Variants in S100A10 observed in about 807,000 individuals in gnomAD.
The protein encoded by S100A10 is protein S100-A10.
S100A10 carries 3 observed loss-of-function variants against 7.1 expected under a neutral mutation model. The observed-to-expected ratio is 0.42, with a 90% CI of 0.19 to 1.10. The LOEUF (loss-of-function observed/expected upper bound fraction) is 1.10. Ranked by LOEUF, S100A10 falls within the 50% of genes least tolerant of loss-of-function variation. S100A10 has a pLI of 0.29. For synonymous variants in S100A10, 41 were observed against 39.3 expected (o/e 1.04, Z -0.16); for missense variants, 101 against 118.1 (o/e 0.86, Z 0.67).
At position 151,986,095 on chromosome 1, in the gene S100A10, T is replaced by C. The variant is rs778153060; in HGVS notation, c.132+4A>G. 2 of 1,588,116 alleles carry C rather than the reference T, an allele frequency of 1.3e-6. No homozygotes were observed. Among genetic ancestry groups the C allele is most frequent in the Non-Finnish European group, 1.7e-6 (2 of 1,171,914 alleles). On this transcript the variant is annotated splice_donor_region_variant and intron_variant, in intron 2 of 2. Coordinates refer to ENST00000368811, the MANE Select transcript of S100A10 (RefSeq NM_002966.3). ...TGGTTCTTTGTAAGCTTTTCAACAC[T>C]TACTTCCAAAAATCCAGGGAACTCC...
At chr1:151,987,855 A>G (rs915781891) in intron 1 of S100A10, among the ~76,000 whole-genome samples, 1 of 152,140 alleles carries the variant, frequency 6.6e-6, no homozygotes, top group Non-Finnish European at 1.5e-5. Context: ...AAAGCTCTGA[A>G]CTTGTTATTT....
intron 2 of S100A10, among the ~76,000 whole-genome samples, chr1:151,983,896 C>T (rs1196640091): frequency 1.3e-5 from 2 of 152,098 alleles, no homozygotes; most frequent in Non-Finnish European, 2.9e-5. Context: ...AGAATCCTTT[C>T]ATTCTTTGAG....
At chr1:151,990,714 TC>T (rs1452256841) in intron 1 of S100A10, among the ~76,000 whole-genome samples, 1 of 152,200 alleles carries the variant, frequency 6.6e-6, no homozygotes. Flanking sequence ...CACAAAGCTC[TC>T]CATGGTGCTT....
intron 1 of S100A10, among the ~76,000 whole-genome samples, chr1:151,989,749 G>A (rs1655867836): frequency 6.6e-6 from 1 of 152,186 alleles, no homozygotes; most frequent in East Asian, 1.9e-4. Context: ...AGCACTGCTA[G>A]CTGCCAAAAC....
intron 2 of S100A10, chr1:151,985,364 G>A (rs1655769092): frequency 6.6e-6 from 1 of 152,234 alleles, no homozygotes; most frequent in Non-Finnish European, 1.5e-5. Flanking sequence ...ACTGTGCCTT[G>A]TGGCCCCATG....
intron 2 of S100A10, among the ~76,000 whole-genome samples, chr1:151,984,924 A>C (rs1486138803): frequency 2.0e-5 from 3 of 152,216 alleles, no homozygotes; most frequent in South Asian, 2.1e-4. Flanking sequence ...GGGCTATATC[A>C]CAGGACTCTA....
intron 2 of S100A10, 34 bp from the exon 3 acceptor site, chr1:151,983,358 A>C: frequency 6.9e-7 from 1 of 1,447,844 alleles, no homozygotes; most frequent in Non-Finnish European, 9.2e-7. Flanking sequence ...AAGAAATAGA[A>C]GTCAAAGGTT....
chr1:151,991,819 G>A (rs1283730825), intron 1 of S100A10, among the ~76,000 whole-genome samples: 5 of 152,198 alleles, frequency 3.3e-5, no homozygotes, highest in African/African-American at 9.7e-5. Flanking sequence ...TAGAAAGCAG[G>A]GAGGCACACA....
chr1:151,985,960 A>C (rs1488387088), intron 2 of S100A10, 139 bp downstream of exon 2: 4 of 605,884 alleles, frequency 6.6e-6, no homozygotes, highest in Non-Finnish European at 1.1e-5. Flanking sequence ...TCATTCATTC[A>C]TTCCTTCAGG....
At chr1:151,987,526 T>TA (rs1461358805) in intron 1 of S100A10, among the ~76,000 whole-genome samples, 1 of 149,204 alleles carries the variant, frequency 6.7e-6, no homozygotes, top group Non-Finnish European at 1.5e-5. Context: ...ATCTGCTGGG[T>TA]ATATATGTAT....
chr1:151,989,014 AC>A (rs934831692), intron 1 of S100A10, among the ~76,000 whole-genome samples: 41 of 152,310 alleles, frequency 2.7e-4, no homozygotes, highest in African/African-American at 8.2e-4. Flanking sequence ...TGGGTGGGGT[AC>A]CTAGTTTACT....
chr1:151,993,055 T>C lies in S100A10; in HGVS notation c.-22+697A>G, dbSNP rs1655940069. On this transcript the variant is annotated intron_variant, in intron 1 of 2. Coordinates refer to ENST00000368811, the MANE Select transcript of S100A10 (RefSeq NM_002966.3). The surrounding 1 kb of genome is among the most constrained non-coding windows in gnomAD (Gnocchi z 5.1). The stretch of plus-strand genomic sequence containing the variant: ...TCCATCTCTTTCTGGTTCCACTTAT[T>C]AAGACAGCAAGGGAACCCTTTCAGT... 6.6e-6 allele frequency among the ~76,000 whole-genome samples: 1 copy of C among 152,164 alleles called. No homozygotes were observed. Among genetic ancestry groups the C allele is most frequent in the Non-Finnish European group, 1.5e-5 (1 of 68,026 alleles).
rs1655956952 is a variant in S100A10 at position 151,993,599 on chromosome 1, G to C, written c.-22+153C>G. On this transcript the variant is annotated intron_variant, in intron 1 of 2. Transcript: ENST00000368811. The surrounding 1 kb of genome is among the most constrained non-coding windows in gnomAD (Gnocchi z 5.1). Reference sequence around the variant, plus strand: ...GCTGGCCTCGTTTGGGTGTGGCCCGGAGCACTGAGCAGCGGATTCCCCACC... The same window carrying C: ...GCTGGCCTCGTTTGGGTGTGGCCCGCAGCACTGAGCAGCGGATTCCCCACC... 6.6e-6 allele frequency among the ~76,000 whole-genome samples: 1 copy of C among 152,244 alleles called. No homozygotes were observed. The highest frequency in any genetic ancestry group is 6.5e-5 in the Admixed American group (1 of 15,308).
chr1:151,983,886 A>C (rs1655743892), intron 2 of S100A10, among the ~76,000 whole-genome samples: 1 of 152,220 alleles, frequency 6.6e-6, no homozygotes. Context: ...TAATGTTTCT[A>C]GAATCCTTTC....
chr1:151,984,165 C>T (rs1358189080), intron 2 of S100A10: 1 of 152,134 alleles, frequency 6.6e-6, no homozygotes, highest in Admixed American at 6.5e-5. Flanking sequence ...ATGCCATCAA[C>T]CAGAGAGAGA....
chr1:151,983,457 C>T (rs942970801), intron 2 of S100A10, 133 bp from the exon 3 acceptor site: 6 of 447,094 alleles, frequency 1.3e-5, no homozygotes, highest in African/African-American at 6.1e-5. Flanking sequence ...CATAAGCAAC[C>T]TTTGGAGTTC....
chr1:151,986,870 A>G (rs531645423), intron 1 of S100A10, among the ~76,000 whole-genome samples: 2 of 152,264 alleles, frequency 1.3e-5, no homozygotes, highest in Admixed American at 1.3e-4. Flanking sequence ...GAATCTAAGA[A>G]CCAGTCCACC....
chr1:151,988,367 C>T (rs1213870100), intron 1 of S100A10, among the ~76,000 whole-genome samples: 1 of 152,178 alleles, frequency 6.6e-6, no homozygotes, highest in East Asian at 1.9e-4. Context: ...GATTGAAGGG[C>T]TGGCAAATTC....
intron 1 of S100A10, among the ~76,000 whole-genome samples, chr1:151,989,994 TC>T (rs1655872504): frequency 6.6e-6 from 1 of 152,222 alleles, no homozygotes; most frequent in African/African-American, 2.4e-5. Flanking sequence ...GATTTAAGCT[TC>T]TCTTGATTAA....
Sources: gnomAD v4.1 joint callset for allele counts (sites outside exome capture counted in the v4.1 genomes callset) on GRCh38, gnomAD v4.1.1 for gene constraint, Gnocchi (gnomAD v3.1) non-coding constraint, MANE v1.5 for transcripts, NCBI Gene and HGNC (gene_info 2026-07-23, HGNC 2026-07-21) for gene names.